Variants in EGFL7 observed in about 807,000 individuals in gnomAD.
EGFL7 encodes epidermal growth factor-like protein 7.
EGFL7 carries 48 observed loss-of-function variants against 37.1 expected under a neutral mutation model. The observed-to-expected ratio is 1.29, with a 90% confidence interval of 1.03 to 1.65. The LOEUF (loss-of-function observed/expected upper bound fraction) is 1.65, where lower values mean the gene tolerates loss of function less well. Among genes scored for constraint, EGFL7 ranks in the 40% most tolerant of loss-of-function variants. The pLI, the probability that EGFL7 is intolerant of heterozygous loss-of-function variation, is 0.00. For missense variants in EGFL7, 384 were observed against 378.9 expected (o/e 1.01, Z -0.11); for synonymous variants, 180 against 156.8 (o/e 1.15, Z -1.10).
chr9:136,670,974 A>C lies in EGFL7; in HGVS notation c.596A>C (p.Glu199Ala). ...GGAGTGGACAGTGCAATGAAGGAAG[A>C]AGTGCAGAGGCTGCAGTCCAGGGTG... ...PTGVDSAMKE[E>A]VQRLQSRVDL... is the part of the protein sequence containing the mutation. Residue 199 changes from glutamate to alanine, a missense_variant, in exon 9 of 11, where the codon GAA becomes GCA. Transcript: ENST00000308874. 6.8e-7 allele frequency: 1 copy of C among 1,478,520 alleles called. No homozygotes were observed. The highest frequency in any genetic ancestry group is 9.0e-7 in the Non-Finnish European group (1 of 1,112,752). 91.6% of individuals were successfully genotyped at this position (1,478,520 alleles called of 1,614,324 possible). A position where few individuals can be genotyped will look rare whatever the true frequency, so the allele number is the denominator to read the frequency against.
intron 9 of EGFL7, among the ~76,000 whole-genome samples, chr9:136,671,343 G>GTC (rs1439262942): frequency 4.6e-5 from 7 of 152,098 alleles, no homozygotes; most frequent in Non-Finnish European, 8.8e-5. Flanking sequence ...CAGGGGGCAG[G>GTC]TCTTCACAAC....
upstream of EGFL7, among the ~76,000 whole-genome samples, chr9:136,660,721 C>T (rs117607236): frequency 0.11 from 16,180 of 152,234 alleles, 1,078 homozygotes; most frequent in South Asian, 0.19. Context: ...GTCCCCTGGC[C>T]GGATAGGTCT....
rs576625439 is a variant in EGFL7 at position 136,668,430 on chromosome 9, C to T, written c.80+68C>T. Reference sequence around the variant, plus strand: ...GGGAGCCCTCAGCACCTCCTAGAGGCGGCCCTCAGCACCTGTCGGGGACTC... The same window carrying T: ...GGGAGCCCTCAGCACCTCCTAGAGGTGGCCCTCAGCACCTGTCGGGGACTC... On this transcript the variant is annotated intron_variant, in intron 4 of 10. Transcript: ENST00000308874. 47 of 1,510,520 alleles carry T rather than the reference C, an allele frequency of 3.1e-5. No individual in the cohort carries two copies. In the African/African-American group the frequency reaches 4.3e-4, roughly 14 times the overall value. The allele number at this position is 1,510,520 out of a possible 1,614,324, so 93.6% of individuals were successfully genotyped here. A position where few individuals can be genotyped will look rare whatever the true frequency, so the allele number is the denominator to read the frequency against.
chr9:136,669,429 G>A (rs112969162), intron 5 of EGFL7, among the ~76,000 whole-genome samples, 177 bp from the exon 6 acceptor site: 78 of 152,344 alleles, frequency 5.1e-4, no homozygotes, highest in African/African-American at 1.4e-3. Context: ...GGCCAGCACC[G>A]GAAGGCCCAG....
In EGFL7 at chr9:136,666,631, G is replaced by A. The variant is rs900336231; in HGVS notation, c.-42-1610G>A. On this transcript the variant is annotated intron_variant, in intron 3 of 10. Transcript: ENST00000308874. The surrounding 1 kb of genome is among the most constrained non-coding windows in gnomAD (Gnocchi z 6.8). The stretch of plus-strand genomic sequence containing the variant: ...AGGCGACTCTCAGGAATTGTGGGGG[G>A]GAGCTGTGCCAATATGTGTGGGGGG... Among the ~76,000 whole-genome samples the A allele has an allele frequency of 6.6e-6, 1 of 151,894 alleles. No homozygotes were observed. The highest frequency in any genetic ancestry group is 2.4e-5 in the African/African-American group (1 of 41,334).
rs754408501 is a variant in EGFL7 at position 136,672,333 on chromosome 9, G to GC, written c.*52dup. On this transcript the variant is annotated 3_prime_UTR_variant, in exon 11 of 11. Coordinates refer to ENST00000308874, the MANE Select transcript of EGFL7 (RefSeq NM_016215.5). ...ACTGAGCCCCTCACGCCGCCCTGCA[G>GC]CCCCCATGCCCCTGCCCAACATGCT... 31 of 1,611,932 alleles carry GC rather than the reference G, an allele frequency of 1.9e-5. No individual in the cohort carries two copies. The African/African-American group carries it at 3.9e-4, about 20-fold the overall frequency.
intron 3 of EGFL7, 78 bp from the exon 4 acceptor site, chr9:136,668,163 T>C (rs1845596145): frequency 8.7e-6 from 7 of 807,254 alleles, no homozygotes; most frequent in Non-Finnish European, 9.7e-6. Flanking sequence ...TGGGCAGGCC[T>C]CGCGGAGCAA....
In EGFL7 at chr9:136,672,417, T is replaced by C. The variant is rs1845981242; in HGVS notation, c.*131T>C. ...GGAAGGCCAGGCAGGGCCTTCCTCCTCTTCCTCCTCCCCTTCCTCGGGAGG... is the reference window on the plus strand; with the variant it reads ...GGAAGGCCAGGCAGGGCCTTCCTCCCCTTCCTCCTCCCCTTCCTCGGGAGG... On this transcript the variant is annotated 3_prime_UTR_variant, in exon 11 of 11. Coordinates refer to ENST00000308874, the MANE Select transcript of EGFL7 (RefSeq NM_016215.5). 9.2e-7 allele frequency: 1 copy of C among 1,089,370 alleles called. No individual in the cohort carries two copies. The highest frequency in any genetic ancestry group is 1.4e-6 in the Non-Finnish European group (1 of 730,118). 67.5% of individuals were successfully genotyped at this position (1,089,370 alleles called of 1,614,324 possible).
chr9:136,667,887 G>T (rs1845573052), intron 3 of EGFL7, among the ~76,000 whole-genome samples: 1 of 152,216 alleles, frequency 6.6e-6, no homozygotes, highest in Non-Finnish European at 1.5e-5. Flanking sequence ...CTGTGAGGAG[G>T]GCCCTGGAAC....
At chr9:136,671,861 C>G (rs931009541) in intron 9 of EGFL7, 65 bp from the exon 10 acceptor site, 18 of 1,440,726 alleles carry the variant, frequency 1.2e-5, no homozygotes, top group Middle Eastern at 2.6e-4. Flanking sequence ...GGGGTCCTCC[C>G]TAGACCCCGG....
chr9:136,668,282 C>T lies in EGFL7; in HGVS notation c.-1C>T, dbSNP rs771485976. 5 of 1,604,456 alleles carry T rather than the reference C, an allele frequency of 3.1e-6. No homozygotes were observed. The highest frequency in any genetic ancestry group is 2.2e-5 in the East Asian group (1 of 44,642). On this transcript the variant is annotated 5_prime_UTR_variant, in exon 4 of 11. Coordinates refer to ENST00000308874, the MANE Select transcript of EGFL7 (RefSeq NM_016215.5). ...GGCCACCCCGCCTGGAGGCACAGGC[C>T]ATGAGGGGCTCTCAGGAGGTGCTGC...
At chr9:136,668,812 G>A in intron 5 of EGFL7, 139 bp downstream of exon 5, 2 of 806,978 alleles carry the variant, frequency 2.5e-6, no homozygotes, top group Admixed American at 2.1e-5. Context: ...AGGGCTGCCT[G>A]AGATGGGCGA....
At chr9:136,669,338 G>A (rs1845686345) in intron 5 of EGFL7, among the ~76,000 whole-genome samples, 1 of 152,198 alleles carries the variant, frequency 6.6e-6, no homozygotes, top group Non-Finnish European at 1.5e-5. Context: ...AGACCAGATA[G>A]GTGGGGGCAC....
At position 136,670,176 on chromosome 9, in the gene EGFL7, T is replaced by C. The variant is rs371407132; in HGVS notation, c.417T>C (p.Asp139=). Residue 139 remains aspartate, a synonymous_variant, in exon 8 of 11, where the codon GAT becomes GAC. Coordinates refer to ENST00000308874, the MANE Select transcript of EGFL7 (RefSeq NM_016215.5). ...ACACCCCGTTTCCTGCAGATGTGGA[T>C]GAATGCAGTGCTAGGAGGGGCGGCT... ...WRGDTCQSDV[D]ECSARRGGCP... is the part of the protein sequence containing the mutation. 5.1e-5 allele frequency: 82 copies of C among 1,612,682 alleles called. No homozygotes were observed. The Middle Eastern group carries it at 2.0e-3, about 39-fold the overall frequency.
In EGFL7 at chr9:136,672,605, G is replaced by T; in HGVS notation, c.*319G>T. ...AGCCTGGGACCCATGGCACAGGCCA[G>T]GCAGCCCGGAGGCTGGGTGGGGCCT... is the stretch of plus-strand genomic sequence containing the variant. On this transcript the variant is annotated 3_prime_UTR_variant, in exon 11 of 11. Transcript: ENST00000308874. The T allele has an allele frequency of 2.0e-6, 1 of 506,770 alleles. No individual in the cohort carries two copies. The highest frequency in any genetic ancestry group is 3.5e-6 in the Non-Finnish European group (1 of 282,068). The allele number at this position is 506,770 out of a possible 1,614,324, so 31.4% of individuals were successfully genotyped here. A position where few individuals can be genotyped will look rare whatever the true frequency, so the allele number is the denominator to read the frequency against.
At chr9:136,670,709 A>C in intron 8 of EGFL7, 1 of 768,164 alleles carries the variant, frequency 1.3e-6, no homozygotes, top group Non-Finnish European at 2.4e-6. Context: ...CGCCGCTGAG[A>C]CCTCAGCCTT....
chr9:136,659,549 G>T (rs937005578), upstream of EGFL7: 1 of 152,156 alleles, frequency 6.6e-6, no homozygotes, highest in Non-Finnish European at 1.5e-5. Flanking sequence ...CCCTGGTGAG[G>T]GGTCCGGGAG....
Position 136,666,734 on chromosome 9 carries a change from G to A in EGFL7, c.-42-1507G>A, listed in dbSNP as rs1004530086. ...GCCCACATCAAGCCGCCGGGCCGCT[G>A]CCCTACCTCTTCCTTCCCGGGTCCC... On this transcript the variant is annotated intron_variant, in intron 3 of 10. Coordinates refer to ENST00000308874, the MANE Select transcript of EGFL7 (RefSeq NM_016215.5). The surrounding 1 kb of genome is among the most constrained non-coding windows in gnomAD (Gnocchi z 6.8). Among the ~76,000 whole-genome samples the A allele has an allele frequency of 6.6e-6, 1 of 152,018 alleles. No individual in the cohort carries two copies. The highest frequency in any genetic ancestry group is 1.5e-5 in the Non-Finnish European group (1 of 67,964).
chr9:136,667,909 G>C (rs1386804950), intron 3 of EGFL7, among the ~76,000 whole-genome samples: 1 of 152,198 alleles, frequency 6.6e-6, no homozygotes, highest in Non-Finnish European at 1.5e-5. Context: ...AGGCAGGACA[G>C]GAGAAACGGC....
Sources: allele counts gnomAD v4.1 joint callset (sites outside exome capture counted in the v4.1 genomes callset), GRCh38; gene constraint gnomAD v4.1.1; non-coding constraint Gnocchi (gnomAD v3.1); transcripts MANE v1.5; gene names NCBI Gene and HGNC (gene_info 2026-07-23, HGNC 2026-07-21).